MEI4: variants seen among roughly 807,000 people sequenced by gnomAD.
MEI4 encodes meiosis-specific protein MEI4.
A neutral mutation model predicts 31.4 loss-of-function variants in MEI4; 27 were observed. The observed-to-expected ratio is 0.86, with a 90% confidence interval of 0.63 to 1.19. MEI4 has a LOEUF of 1.19. Ranked by LOEUF, MEI4 falls within the 50% of genes most tolerant of loss-of-function variation. The pLI is 0.00. For missense variants in MEI4, 329 were observed against 398.9 expected (o/e 0.82, Z 1.49); for synonymous variants, 122 against 145.4 (o/e 0.84, Z 1.16).
chr6:77,880,163 G>A (rs1396456401), intron 4 of MEI4, among the ~76,000 whole-genome samples: 2 of 151,900 alleles, frequency 1.3e-5, no homozygotes, highest in East Asian at 3.9e-4. Context: ...CATTGCCAGA[G>A]TAGAAGCCTT....
At chr6:77,740,641 A>G (rs1273358861) in intron 2 of MEI4, among the ~76,000 whole-genome samples, 1 of 152,134 alleles carries the variant, frequency 6.6e-6, no homozygotes, top group Non-Finnish European at 1.5e-5. Context: ...GCATCAGTAT[A>G]TGTGAGTGAT....
At chr6:77,760,321 G>A (rs1042395869) in intron 2 of MEI4, among the ~76,000 whole-genome samples, 33 of 151,898 alleles carry the variant, frequency 2.2e-4, no homozygotes, top group Non-Finnish European at 4.9e-4. Context: ...GATATTTTAT[G>A]TGTGTATGTG....
At chr6:77,740,221 T>C (rs140362884) in intron 2 of MEI4, among the ~76,000 whole-genome samples, 1 of 152,330 alleles carries the variant, frequency 6.6e-6, no homozygotes, top group East Asian at 1.9e-4. Context: ...TATGTTTGAT[T>C]ATGTGATCGA....
chr6:77,864,094 A>C (rs1259596259), intron 4 of MEI4, among the ~76,000 whole-genome samples: 4 of 151,648 alleles, frequency 2.6e-5, no homozygotes, highest in Admixed American at 6.6e-5. Flanking sequence ...TAAACATGGA[A>C]AGGAACAATC....
At chr6:77,891,770 T>C (rs1771773983) in intron 4 of MEI4, among the ~76,000 whole-genome samples, 1 of 152,240 alleles carries the variant, frequency 6.6e-6, no homozygotes, top group Non-Finnish European at 1.5e-5. Context: ...GGATTGATTT[T>C]CATAGGGAAA....
At chr6:77,729,573 C>G (rs1766917517) in intron 2 of MEI4, among the ~76,000 whole-genome samples, 2 of 152,130 alleles carry the variant, frequency 1.3e-5, no homozygotes, top group South Asian at 4.1e-4. Flanking sequence ...GGCCACAAGT[C>G]CAGCAAGAAA....
intron 3 of MEI4, among the ~76,000 whole-genome samples, chr6:77,775,367 G>A (rs1237058333): frequency 1.3e-5 from 2 of 151,850 alleles, no homozygotes; most frequent in East Asian, 3.9e-4. Flanking sequence ...CCCAAAGTCC[G>A]TTGTATCATT....
At chr6:77,878,168 T>G (rs1041433571) in intron 4 of MEI4, among the ~76,000 whole-genome samples, 3 of 152,102 alleles carry the variant, frequency 2.0e-5, no homozygotes, top group African/African-American at 7.2e-5. Flanking sequence ...TCCTTGGGTT[T>G]CTACATACAT....
chr6:77,686,256 A>T (rs1388973151), intron 1 of MEI4, among the ~76,000 whole-genome samples: 1 of 152,200 alleles, frequency 6.6e-6, no homozygotes, highest in Non-Finnish European at 1.5e-5. Context: ...ATTGCAGTGC[A>T]AAATGGACTA....
chr6:77,713,501 G>C (rs2127660764), intron 2 of MEI4, among the ~76,000 whole-genome samples: 1 of 152,260 alleles, frequency 6.6e-6, no homozygotes, highest in East Asian at 1.9e-4. Context: ...AGTGTTGTGT[G>C]AGTTTTTTTC....
intron 2 of MEI4, among the ~76,000 whole-genome samples, chr6:77,694,659 T>TC (rs1765968907): frequency 6.6e-6 from 1 of 152,168 alleles, no homozygotes; most frequent in Non-Finnish European, 1.5e-5. Context: ...ATCCAGTCTA[T>TC]CGTTGTTGGA....
intron 4 of MEI4, among the ~76,000 whole-genome samples, chr6:77,921,895 G>C (rs1177631877): frequency 6.6e-6 from 1 of 151,758 alleles, no homozygotes; most frequent in Non-Finnish European, 1.5e-5. Flanking sequence ...ATGGATGACT[G>C]ATTGCAGATC....
chr6:77,737,016 A>G (rs1193397587), intron 2 of MEI4, among the ~76,000 whole-genome samples: 1 of 152,192 alleles, frequency 6.6e-6, no homozygotes, highest in African/African-American at 2.4e-5. Flanking sequence ...CATACAGAGC[A>G]TGAGGAGGTG....
chr6:77,686,998 G>C (rs1769070305), intron 1 of MEI4, among the ~76,000 whole-genome samples: 1 of 151,372 alleles, frequency 6.6e-6, no homozygotes, highest in African/African-American at 2.4e-5. Flanking sequence ...GCAAATTAAA[G>C]TTCAATAAGG....
At chr6:77,779,816 TGTTCA>T (rs1768548662) in intron 3 of MEI4, among the ~76,000 whole-genome samples, 6 of 152,184 alleles carry the variant, frequency 3.9e-5, no homozygotes, top group African/African-American at 1.4e-4. Flanking sequence ...TGGTTGTTCA[TGTTCA>T]TTTTGAGAGT....
chr6:77,775,438 G>T (rs1285887379), intron 3 of MEI4, among the ~76,000 whole-genome samples: 1 of 151,996 alleles, frequency 6.6e-6, no homozygotes, highest in Non-Finnish European at 1.5e-5. Flanking sequence ...TACAATGTCT[G>T]GTTTTCAATT....
intron 3 of MEI4, among the ~76,000 whole-genome samples, chr6:77,808,786 G>A (rs1233269030): frequency 1.3e-5 from 2 of 152,170 alleles, no homozygotes; most frequent in African/African-American, 2.4e-5. Context: ...GAAAGAAACA[G>A]GATAAGAAGA....
chr6:77,800,836 T>A (rs1029702294), intron 3 of MEI4, among the ~76,000 whole-genome samples: 2 of 152,182 alleles, frequency 1.3e-5, no homozygotes, highest in Non-Finnish European at 2.9e-5. Flanking sequence ...ATCCCAGGGA[T>A]GAAGCCCACT....
At chr6:77,861,788 TGTA>T (rs1257136230) in intron 4 of MEI4, among the ~76,000 whole-genome samples, 4 of 152,218 alleles carry the variant, frequency 2.6e-5, no homozygotes, top group African/African-American at 7.2e-5. Context: ...GGATTAATGA[TGTA>T]GTACATATGA....
Sources: allele counts gnomAD v4.1 joint callset (sites outside exome capture counted in the v4.1 genomes callset), GRCh38; gene constraint gnomAD v4.1.1; transcripts MANE v1.5; gene names NCBI Gene and HGNC (gene_info 2026-07-23, HGNC 2026-07-21).